Variants in XPNPEP2 observed in about 807,000 individuals in gnomAD.
The protein encoded by XPNPEP2 is X-prolyl aminopeptidase 2.
XPNPEP2 carries 64 observed loss-of-function variants against 59.8 expected under a neutral mutation model. That is an observed-to-expected ratio of 1.07 (90% CI 0.87 to 1.32). The LOEUF (loss-of-function observed/expected upper bound fraction) is 1.32, where lower values mean the gene tolerates loss of function less well. XPNPEP2 is among the 40% of genes most tolerant of loss of function. The pLI is 0.00. For synonymous variants in XPNPEP2, 235 were observed against 210.0 expected (o/e 1.12, Z -1.03); for missense variants, 575 against 546.8 (o/e 1.05, Z -0.51).
At chrX:129,745,909 T>C (rs1926286514) in intron 4 of XPNPEP2, among the ~76,000 whole-genome samples, 1 of 110,987 alleles carries the variant, frequency 9.0e-6, no homozygotes, top group Non-Finnish European at 1.9e-5. Flanking sequence ...TGGTTTAGCC[T>C]CCCTATCAGC....
intron 7 of XPNPEP2, among the ~76,000 whole-genome samples, chrX:129,749,349 C>T (rs1293298483): frequency 8.9e-6 from 1 of 111,861 alleles, no homozygotes; most frequent in Admixed American, 9.4e-5. Flanking sequence ...TGTGAGTATG[C>T]TGAAAGCCAC....
Position 129,756,545 on chromosome X carries a change from G to C in XPNPEP2, c.1357G>C (p.Gly453Arg). Residue 453 changes from glycine (G) to arginine (R), a missense_variant, in exon 14 of 21, where the codon GGG becomes CGG. Gly to Arg is a moderately radical substitution (Grantham distance 125). Transcript: ENST00000371106. ...SDEMYLLDSG[G>R]QYWDGTTDIT... ...TGAGATGTACCTGCTGGACTCTGGG[G>C]GGCAGTACTGGTATGTACCCCGACC... is the stretch of plus-strand genomic sequence containing the variant. The C allele has an allele frequency of 2.5e-6, 3 of 1,211,123 alleles. No individual in the cohort carries two copies. The highest frequency in any genetic ancestry group is 3.4e-6 in the Non-Finnish European group (3 of 895,058).
intron 14 of XPNPEP2, 111 bp from the exon 15 acceptor site, chrX:129,759,069 G>A (rs766798113): frequency 2.8e-5 from 25 of 897,641 alleles, no homozygotes; most frequent in East Asian, 1.6e-4. Context: ...TCTTCCTTTC[G>A]CCGTCCACCC....
At chrX:129,761,935 C>T (rs1737445262) in intron 17 of XPNPEP2, 71 bp from the exon 18 acceptor site, 2 of 1,088,744 alleles carry the variant, frequency 1.8e-6, no homozygotes, top group East Asian at 3.0e-5. Context: ...TCTGCTCTTC[C>T]TCGGAAGCTG....
chrX:129,751,106 C>T (rs752565457), intron 8 of XPNPEP2, among the ~76,000 whole-genome samples: 1 of 11,258 alleles, frequency 8.9e-5, no homozygotes, highest in East Asian at 1.2e-3. Context: ...ACTCCCCCAC[C>T]CCCCCCCCCC....
chrX:129,761,969 A>C, intron 17 of XPNPEP2, 37 bp from the exon 18 acceptor site: 5 of 1,198,264 alleles, frequency 4.2e-6, no homozygotes, highest in Non-Finnish European at 5.7e-6. Context: ...TGGTGAGTAT[A>C]GGAGAACTGA....
chrX:129,755,094 T>G (rs1926493552), intron 12 of XPNPEP2, among the ~76,000 whole-genome samples, 200 bp from the exon 13 acceptor site: 1 of 112,168 alleles, frequency 8.9e-6, no homozygotes, highest in South Asian at 3.7e-4. Flanking sequence ...GTGTCTACAG[T>G]GTGTCCTCTG....
At chrX:129,745,063 G>A in intron 3 of XPNPEP2, 140 bp from the exon 4 acceptor site, 2 of 638,397 alleles carry the variant, frequency 3.1e-6, no homozygotes, top group Non-Finnish European at 5.0e-6. Flanking sequence ...CTTCCTGGAA[G>A]AGGCACTTGG....
chrX:129,767,510 T>A, intron 19 of XPNPEP2, 93 bp from the exon 20 acceptor site: 1 of 913,100 alleles, frequency 1.1e-6, no homozygotes, highest in African/African-American at 1.9e-5. Context: ...GCTCCTTGTG[T>A]CCTCCGGGTG....
rs1307496441 is a variant in XPNPEP2, at chrX:129,746,216, G to C, written c.299-20G>C. ...TCCTCCCCTTCACCCTCACCTGCAA[G>C]TTTCTCTGTTCTGCCCCAGGAACTG... On this transcript the variant is annotated intron_variant, in intron 4 of 20. Transcript: ENST00000371106. 3.3e-6 allele frequency: 4 copies of C among 1,200,994 alleles called. No homozygotes were observed. The highest frequency in any genetic ancestry group is 3.4e-6 in the Non-Finnish European group (3 of 888,284).
rs2281133 is a variant in XPNPEP2 at position 129,769,496 on chromosome X, G to T, written c.*1011G>T. On this transcript the variant is annotated 3_prime_UTR_variant, in exon 21 of 21. Coordinates refer to ENST00000371106, the MANE Select transcript of XPNPEP2 (RefSeq NM_003399.6). Reference sequence around the variant, plus strand: ...GCCAAATTGGCCGTTAGCCACCTGGGTCCACATCCTGCTAAGACGTTTAAA... The same window carrying T: ...GCCAAATTGGCCGTTAGCCACCTGGTTCCACATCCTGCTAAGACGTTTAAA... 1,206 of 112,336 alleles carry T rather than the reference G, an allele frequency of 0.011. 17 individuals carry two copies. The highest frequency in any genetic ancestry group is 0.099 in the East Asian group (353 of 3,551). The allele number at this position is 112,336 out of a possible 1,213,427, so 9.3% of individuals were successfully genotyped here.
At chrX:129,760,042 A>G (rs145738947) in intron 15 of XPNPEP2, among the ~76,000 whole-genome samples, 1,125 of 112,355 alleles carry the variant, frequency 0.01, 19 homozygotes, top group African/African-American at 0.035. Flanking sequence ...ACTTCCGTGA[A>G]GCATGCACGC....
chrX:129,757,887 G>A (rs1349339033), intron 14 of XPNPEP2, among the ~76,000 whole-genome samples: 10 of 82,693 alleles, frequency 1.2e-4, no homozygotes, highest in African/African-American at 5.5e-4. Context: ...GAGAGAGAGA[G>A]AGAGAGAGAA....
intron 2 of XPNPEP2, among the ~76,000 whole-genome samples, chrX:129,743,007 G>A (rs759998728): frequency 1.8e-5 from 2 of 112,020 alleles, no homozygotes; most frequent in East Asian, 5.6e-4. Flanking sequence ...GAAGGGGCTT[G>A]GGTAGTCAGC....
In XPNPEP2 at chrX:129,769,230, G is replaced by A. The variant is rs184593503; in HGVS notation, c.*745G>A. ...TGCTGTTAAATCCTCCCACATTCTT[G>A]GATGCCCCTTCACCTTGTGTGGACA... is the stretch of plus-strand genomic sequence containing the variant. On this transcript the variant is annotated 3_prime_UTR_variant, in exon 21 of 21. Transcript: ENST00000371106. The A allele has an allele frequency of 3.6e-5, 4 of 112,451 alleles. No homozygotes were observed. In the Admixed American group the frequency reaches 3.8e-4, roughly 11 times the overall value. 9.3% of individuals were successfully genotyped at this position (112,451 alleles called of 1,213,427 possible). A position where few individuals can be genotyped will look rare whatever the true frequency, so the allele number is the denominator to read the frequency against.
In XPNPEP2 at chrX:129,751,759, C is replaced by T. The variant is rs189381278; in HGVS notation, c.754C>T (p.Arg252Ter). Residue 252 changes from arginine (R) to a stop codon, truncating the protein, a stop_gained, in exon 9 of 21, where the codon CGA (arginine) becomes TGA (stop). Coordinates refer to ENST00000371106, the MANE Select transcript of XPNPEP2 (RefSeq NM_003399.6). LOFTEE classifies it high-confidence loss of function. ...LEETAWLFNL[R>*]ASDIPYNPFF... is the part of the protein sequence containing the mutation. The stretch of plus-strand genomic sequence containing the variant: ...TCTCTTCCCAGGGCTCTTCAACCTT[C>T]GAGCCAGTGACATCCCCTATAACCC... The T allele has an allele frequency of 9.1e-6, 11 of 1,207,884 alleles. No individual in the cohort carries two copies. The highest frequency in any genetic ancestry group is 3.5e-5 in the South Asian group (2 of 56,731).
chrX:129,764,937 C>T lies in XPNPEP2; in HGVS notation c.1740+2167C>T, dbSNP rs752092237. Among the ~76,000 whole-genome samples the T allele has an allele frequency of 4.5e-5, 5 of 111,206 alleles. 1 individual carries two copies. Among genetic ancestry groups the T allele is most frequent in the Admixed American group, 3.8e-4 (4 of 10,450 alleles). On this transcript the variant is annotated intron_variant, in intron 19 of 20. Coordinates refer to ENST00000371106, the MANE Select transcript of XPNPEP2 (RefSeq NM_003399.6). ...CAAGATCACACCACTGCACTCCAGC[C>T]TGGGCGACAGAGCGAGAATCTGTCT...
intron 1 of XPNPEP2, 107 bp from the exon 2 acceptor site, chrX:129,742,001 C>A: frequency 1.5e-6 from 1 of 687,519 alleles, no homozygotes; most frequent in South Asian, 2.7e-5. Context: ...CAGCTTCGTG[C>A]GTTTCAAAGG....
intron 4 of XPNPEP2, 134 bp from the exon 5 acceptor site, chrX:129,746,102 C>A: frequency 1.9e-6 from 1 of 523,138 alleles, no homozygotes; most frequent in Non-Finnish European, 3.2e-6. Context: ...TCACTTCTTT[C>A]CAATGGAGGA....
Sources: allele counts gnomAD v4.1 joint callset (sites outside exome capture counted in the v4.1 genomes callset), GRCh38; gene constraint gnomAD v4.1.1; transcripts MANE v1.5; gene names NCBI Gene and HGNC (gene_info 2026-07-23, HGNC 2026-07-21).